Variants in PARN observed in about 807,000 individuals in gnomAD.
The protein encoded by PARN is poly(A)-specific ribonuclease PARN.
A neutral mutation model predicts 102.8 loss-of-function variants in PARN; 71 were observed. That is an observed-to-expected ratio of 0.69 (90% CI 0.57 to 0.84). PARN has a LOEUF of 0.84. Among genes scored for constraint, PARN ranks in the 40% least tolerant of loss-of-function variants. PARN has a pLI of 0.00. For synonymous variants in PARN, 261 were observed against 252.9 expected, an observed-to-expected ratio of 1.03 and a Z score of -0.30; for missense variants, 782 against 760.9, an observed-to-expected ratio of 1.03 and a Z score of -0.33.
chr16:14,495,253 A>T (rs1269332150), intron 21 of PARN, among the ~76,000 whole-genome samples: 1 of 152,140 alleles, frequency 6.6e-6, no homozygotes, highest in Non-Finnish European at 1.5e-5. Context: ...TTGGGAGGAC[A>T]AGGCGAGAGG....
intron 20 of PARN, among the ~76,000 whole-genome samples, chr16:14,553,256 TAAAAAAAAAA>T (rs58411352): frequency 8.5e-5 from 10 of 117,472 alleles, no homozygotes; most frequent in East Asian, 2.4e-4. Context: ...TATTTCTATT[TAAAAAAAAAA>T]AAAAAAAAAA....
intron 21 of PARN, among the ~76,000 whole-genome samples, chr16:14,527,473 A>C (rs1331315604): frequency 6.6e-6 from 1 of 152,072 alleles, no homozygotes; most frequent in Non-Finnish European, 1.5e-5. Context: ...ATCTGTCATA[A>C]TTTTTTTCTT....
At chr16:14,627,961 T>A (rs557416440) in intron 3 of PARN, among the ~76,000 whole-genome samples, 18 of 152,194 alleles carry the variant, frequency 1.2e-4, no homozygotes, top group Admixed American at 9.2e-4. Context: ...AGAGCAGTGA[T>A]CACGCCACTG....
At chr16:14,494,727 A>G (rs970121320) in intron 21 of PARN, among the ~76,000 whole-genome samples, 2 of 152,238 alleles carry the variant, frequency 1.3e-5, no homozygotes, top group African/African-American at 2.4e-5. Flanking sequence ...TCCTCCTGAC[A>G]AAGATTCCGG....
intron 21 of PARN, among the ~76,000 whole-genome samples, chr16:14,522,632 A>G: frequency 6.6e-6 from 1 of 152,196 alleles, no homozygotes; most frequent in East Asian, 1.9e-4. Flanking sequence ...TACAGGGGAC[A>G]ATATCCAGAA....
intron 18 of PARN, among the ~76,000 whole-genome samples, chr16:14,580,305 T>C (rs1969443899): frequency 6.6e-6 from 1 of 151,956 alleles, no homozygotes; most frequent in East Asian, 1.9e-4. Context: ...TTTTTTTTTT[T>C]CAGACAGAGT....
intron 18 of PARN, among the ~76,000 whole-genome samples, chr16:14,571,357 C>CAAA (rs397773967): frequency 4.6e-5 from 4 of 86,838 alleles, no homozygotes; most frequent in South Asian, 5.8e-4. Flanking sequence ...GATTCCAACT[C>CAAA]AAAAAAAAAA....
In PARN at chr16:14,627,342, A is replaced by C; in HGVS notation, c.178-6T>G. On this transcript the variant is annotated splice_region_variant and splice_polypyrimidine_tract_variant and intron_variant, in intron 3 of 23. Transcript: ENST00000437198. ...AGCAAAAAGTCCATGGAATGCTGGAAAAGGGAAATAAAACATCTGTCACAA... is the reference window on the plus strand; with the variant it reads ...AGCAAAAAGTCCATGGAATGCTGGACAAGGGAAATAAAACATCTGTCACAA... 1 of 1,575,460 alleles carries C rather than the reference A, an allele frequency of 6.3e-7. No homozygotes were observed. Among genetic ancestry groups the C allele is most frequent in the Non-Finnish European group, 8.6e-7 (1 of 1,158,642 alleles).
At chr16:14,496,995 C>T (rs1258705953) in intron 21 of PARN, among the ~76,000 whole-genome samples, 1 of 152,144 alleles carries the variant, frequency 6.6e-6, no homozygotes, top group Non-Finnish European at 1.5e-5. Context: ...CCGTGCACAG[C>T]CAGTATTTAA....
chr16:14,478,348 T>C (rs969558339), intron 22 of PARN, among the ~76,000 whole-genome samples: 1 of 151,984 alleles, frequency 6.6e-6, no homozygotes, highest in Admixed American at 6.6e-5. Context: ...ACAAAACCCA[T>C]AAGACAAGTT....
chr16:14,560,251 C>T (rs192511781), intron 18 of PARN, among the ~76,000 whole-genome samples: 2 of 152,324 alleles, frequency 1.3e-5, no homozygotes, highest in Admixed American at 1.3e-4. Context: ...TATTGAAGAA[C>T]AATCTCTCCC....
At position 14,593,302 on chromosome 16, in the gene PARN, G is replaced by T; in HGVS notation, c.917C>A (p.Ala306Glu). ...TVHQFYCPLP[A>E]DLSEFKEMTT... The stretch of plus-strand genomic sequence containing the variant: ...AACACAGACCAACAGGTCACTTACC[G>T]CAGGCAGAGGGCAGTAGAACTGATG... The change falls in exon 13 of 24, where the codon GCG becomes GAG. Residue 306 changes from alanine (A) to glutamate (E), a missense_variant and splice_region_variant. Ala to Glu is a moderately radical substitution (Grantham distance 107). Coordinates refer to ENST00000437198, the MANE Select transcript of PARN (RefSeq NM_002582.4). 4 of 1,543,924 alleles carry T rather than the reference G, an allele frequency of 2.6e-6. No individual in the cohort carries two copies. The highest frequency in any genetic ancestry group is 1.4e-5 in the African/African-American group (1 of 73,516).
chr16:14,625,962 T>A (rs551018110), intron 5 of PARN, among the ~76,000 whole-genome samples: 1 of 152,318 alleles, frequency 6.6e-6, no homozygotes, highest in Non-Finnish European at 1.5e-5. Flanking sequence ...TTACAACAGA[T>A]AATCAAAAGA....
chr16:14,472,052 A>C (rs1486122836), intron 22 of PARN, among the ~76,000 whole-genome samples: 3 of 152,150 alleles, frequency 2.0e-5, no homozygotes, highest in African/African-American at 7.2e-5. Context: ...CCGTGTCCTG[A>C]CCTACTGGTC....
chr16:14,457,447 T>G (rs1227523571), intron 22 of PARN, among the ~76,000 whole-genome samples: 1 of 152,136 alleles, frequency 6.6e-6, no homozygotes. Flanking sequence ...TATGCTCAGT[T>G]CAGAAGCCAA....
chr16:14,532,758 G>T (rs1359820586), intron 21 of PARN, among the ~76,000 whole-genome samples: 20 of 150,618 alleles, frequency 1.3e-4, no homozygotes, highest in Non-Finnish European at 2.8e-4. Flanking sequence ...CGGGTGGGGG[G>T]CTGACCCCCC....
chr16:14,551,455 G>A (rs1295540416), intron 21 of PARN, among the ~76,000 whole-genome samples: 3 of 151,952 alleles, frequency 2.0e-5, no homozygotes, highest in African/African-American at 7.2e-5. Flanking sequence ...TGTAATCCCA[G>A]CTACTCAGGA....
chr16:14,597,133 C>T (rs543203438), intron 12 of PARN, among the ~76,000 whole-genome samples: 5 of 151,708 alleles, frequency 3.3e-5, no homozygotes, highest in African/African-American at 4.8e-5. Flanking sequence ...GTAGAAAGGA[C>T]GAAGGAAATA....
intron 22 of PARN, among the ~76,000 whole-genome samples, chr16:14,455,064 A>G (rs1961620060): frequency 6.6e-6 from 1 of 152,270 alleles, no homozygotes; most frequent in Non-Finnish European, 1.5e-5. Flanking sequence ...AATATCATTT[A>G]AAAATTGAAA....
Sources: allele counts gnomAD v4.1 joint callset (sites outside exome capture counted in the v4.1 genomes callset), GRCh38; gene constraint gnomAD v4.1.1; transcripts MANE v1.5; gene names NCBI Gene and HGNC (gene_info 2026-07-23, HGNC 2026-07-21).